MYRFL: variants seen among roughly 807,000 people sequenced by gnomAD.
MYRFL encodes the protein myelin regulatory factor like.
In MYRFL, 88 loss-of-function variants were observed where a neutral mutation model predicts 109.4. The observed-to-expected ratio is 0.80, with a 90% CI of 0.68 to 0.96. The LOEUF (loss-of-function observed/expected upper bound fraction) is 0.96. MYRFL is among the 40% of genes least tolerant of loss of function. MYRFL has a pLI of 0.00. For missense variants in MYRFL, 957 were observed against 954.9 expected, an observed-to-expected ratio of 1.00 and a Z score of -0.03; for synonymous variants, 324 against 320.9, an observed-to-expected ratio of 1.01 and a Z score of -0.10.
chr12:69,938,861 C>T (rs1018275667), intron 19 of MYRFL, among the ~76,000 whole-genome samples: 2 of 152,108 alleles, frequency 1.3e-5, no homozygotes, highest in African/African-American at 2.4e-5. Flanking sequence ...CGAAGCAGGG[C>T]GAGGCATTGC....
chr12:69,850,355 A>C (rs1450875336), intron 1 of MYRFL, among the ~76,000 whole-genome samples: 1 of 151,804 alleles, frequency 6.6e-6, no homozygotes, highest in Non-Finnish European at 1.5e-5. Flanking sequence ...TATTTTAATA[A>C]AATATTAAAT....
rs1174306622 is a variant in MYRFL at position 69,886,931 on chromosome 12, T to C, written c.668T>C (p.Val223Ala). Residue 223 changes from valine to alanine, a missense_variant, in exon 6 of 25, where the codon GTT (valine) becomes GCT (alanine). Val to Ala is a moderately conservative substitution (Grantham distance 64, BLOSUM62 0). Coordinates refer to ENST00000552032, the MANE Select transcript of MYRFL (RefSeq NM_182530.3). ...PALKWQPCHSVPWHSLLNSHY... is the reference protein window; with the variant it reads ...PALKWQPCHSAPWHSLLNSHY... ...CTGAAGTGGCAACCATGCCATAGTG[T>C]TCCTTGGCACAGCTTATTAAACAGT... The C allele has an allele frequency of 1.3e-6, 2 of 1,535,768 alleles. No individual in the cohort carries two copies. The highest frequency in any genetic ancestry group is 3.9e-5 in the Admixed American group (2 of 50,974).
intron 11 of MYRFL, among the ~76,000 whole-genome samples, chr12:69,905,588 C>G (rs561151176): frequency 1.3e-5 from 2 of 152,292 alleles, no homozygotes; most frequent in South Asian, 4.1e-4. Flanking sequence ...GTTTTGTTGT[C>G]TGTGAACAGG....
intron 5 of MYRFL, among the ~76,000 whole-genome samples, chr12:69,883,706 T>TG (rs1396525805): frequency 8.0e-6 from 1 of 125,468 alleles, no homozygotes; most frequent in Non-Finnish European, 1.6e-5. Flanking sequence ...CTACAAAAAG[T>TG]AAAAAAAAAA....
intron 1 of MYRFL, among the ~76,000 whole-genome samples, chr12:69,850,469 AT>A (rs1358160314): frequency 1.3e-5 from 2 of 152,132 alleles, no homozygotes; most frequent in Admixed American, 6.5e-5. Flanking sequence ...GTAATTATTT[AT>A]TGTTAAAACT....
At chr12:69,902,271 G>T (rs1448616110) in intron 10 of MYRFL, among the ~76,000 whole-genome samples, 1 of 152,158 alleles carries the variant, frequency 6.6e-6, no homozygotes, top group African/African-American at 2.4e-5. Flanking sequence ...ACTTGGGATT[G>T]AATTAGGAAA....
intron 1 of MYRFL, among the ~76,000 whole-genome samples, chr12:69,848,146 T>A (rs1475839401): frequency 6.6e-6 from 1 of 152,132 alleles, no homozygotes; most frequent in South Asian, 2.1e-4. Context: ...TTGGGTTTAT[T>A]TCTGGACTTT....
At chr12:69,873,342 C>T (rs981924772) in intron 2 of MYRFL, among the ~76,000 whole-genome samples, 6 of 152,140 alleles carry the variant, frequency 3.9e-5, no homozygotes, top group African/African-American at 9.7e-5. Flanking sequence ...ATGCAGCCCA[C>T]GGGTGGCGGG....
intron 2 of MYRFL, among the ~76,000 whole-genome samples, chr12:69,864,415 C>T (rs1884886046): frequency 6.6e-6 from 1 of 151,918 alleles, no homozygotes; most frequent in Non-Finnish European, 1.5e-5. Flanking sequence ...TCTCCTCTGT[C>T]ACTGTCATCT....
chr12:69,872,923 T>TG (rs1885438735), intron 2 of MYRFL, among the ~76,000 whole-genome samples: 1 of 152,186 alleles, frequency 6.6e-6, no homozygotes, highest in Non-Finnish European at 1.5e-5. Flanking sequence ...CTACCGTGCC[T>TG]GGCCTAATTT....
intron 2 of MYRFL, among the ~76,000 whole-genome samples, chr12:69,857,602 A>G (rs1404201529): frequency 6.6e-6 from 1 of 151,538 alleles, no homozygotes; most frequent in African/African-American, 2.4e-5. Flanking sequence ...AATACTGCAC[A>G]TATTTTCCTA....
chr12:69,928,217 G>A (rs545943327), intron 15 of MYRFL, among the ~76,000 whole-genome samples: 2 of 152,270 alleles, frequency 1.3e-5, no homozygotes, highest in Non-Finnish European at 2.9e-5. Flanking sequence ...AAATGTGATG[G>A]TTTTATTAGT....
chr12:69,909,755 G>A (rs577794241), intron 11 of MYRFL, among the ~76,000 whole-genome samples: 2 of 152,264 alleles, frequency 1.3e-5, no homozygotes, highest in African/African-American at 4.8e-5. Context: ...CCTGCTGGCC[G>A]GGGTGATGTG....
intron 19 of MYRFL, among the ~76,000 whole-genome samples, chr12:69,951,543 T>A (rs1565652180): frequency 6.7e-6 from 1 of 148,922 alleles, no homozygotes; most frequent in Non-Finnish European, 1.5e-5. Flanking sequence ...TTCTCCTGCC[T>A]CAGCCTCCCG....
At chr12:69,908,814 T>G (rs1273278649) in intron 11 of MYRFL, among the ~76,000 whole-genome samples, 3 of 152,194 alleles carry the variant, frequency 2.0e-5, no homozygotes, top group Non-Finnish European at 4.4e-5. Context: ...ATAGGTAAAC[T>G]TGTGTCATGG....
At chr12:69,901,736 T>G (rs1313391976) in intron 10 of MYRFL, among the ~76,000 whole-genome samples, 1 of 152,194 alleles carries the variant, frequency 6.6e-6, no homozygotes, top group Non-Finnish European at 1.5e-5. Flanking sequence ...AAAGCCAATT[T>G]GCCATTCACA....
chr12:69,937,959 A>G (rs1955520971), intron 19 of MYRFL, among the ~76,000 whole-genome samples: 1 of 151,770 alleles, frequency 6.6e-6, no homozygotes, highest in Non-Finnish European at 1.5e-5. Context: ...CAAGCCTACA[A>G]ACGAGGTGCT....
chr12:69,901,863 C>A (rs1954196997), intron 10 of MYRFL, among the ~76,000 whole-genome samples: 1 of 151,096 alleles, frequency 6.6e-6, no homozygotes, highest in Non-Finnish European at 1.5e-5. Flanking sequence ...CCTCCCACCC[C>A]ATTACATTCT....
At chr12:69,952,909 C>T in intron 21 of MYRFL, 23 bp downstream of exon 21, 1 of 1,482,420 alleles carries the variant, frequency 6.7e-7, no homozygotes, top group Non-Finnish European at 9.0e-7. Flanking sequence ...CCCCAGCATG[C>T]CCTGGTTGTT....
Sources: gnomAD v4.1 joint callset for allele counts (sites outside exome capture counted in the v4.1 genomes callset) on GRCh38, gnomAD v4.1.1 for gene constraint, MANE v1.5 for transcripts, NCBI Gene and HGNC (gene_info 2026-07-23, HGNC 2026-07-21) for gene names.